The following PPARGC1A variants were observed in gnomAD, a reference collection of about 807,000 sequenced individuals.
PPARGC1A encodes the protein peroxisome proliferator-activated receptor gamma coactivator 1-alpha.
A neutral mutation model predicts 88.7 loss-of-function variants in PPARGC1A; 25 were observed. The observed-to-expected ratio is 0.28, with a 90% confidence interval of 0.21 to 0.39. The LOEUF (loss-of-function observed/expected upper bound fraction) is 0.39, where lower values mean the gene tolerates loss of function less well. Ranked by LOEUF, PPARGC1A falls within the 10% of genes least tolerant of loss-of-function variation. The pLI is 1.00. For missense variants in PPARGC1A, 880 were observed against 968.7 expected, an observed-to-expected ratio of 0.91 and a Z score of 1.22; for synonymous variants, 363 against 355.6, an observed-to-expected ratio of 1.02 and a Z score of -0.24.
the PPARGC1A span, among the ~76,000 whole-genome samples, chr4:23,929,544 G>C: frequency 6.6e-6 from 1 of 152,246 alleles, no homozygotes; most frequent in African/African-American, 2.4e-5. Context: ...AGTGGTTCAA[G>C]TCCCTCTGCA....
the PPARGC1A span, among the ~76,000 whole-genome samples, chr4:23,941,108 T>C: frequency 1.3e-5 from 2 of 152,158 alleles, 1 homozygote; most frequent in Admixed American, 1.3e-4. Context: ...AGGAATACAA[T>C]GGTGCAGTCA....
At chr4:23,964,708 G>C in the PPARGC1A span, among the ~76,000 whole-genome samples, 1 of 152,116 alleles carries the variant, frequency 6.6e-6, no homozygotes, top group African/African-American at 2.4e-5. Flanking sequence ...GAAAAGAGAA[G>C]ACTGAAGAGA....
chr4:23,868,035 G>A (rs1208643790), intron 2 of PPARGC1A, among the ~76,000 whole-genome samples: 4 of 152,120 alleles, frequency 2.6e-5, no homozygotes, highest in African/African-American at 7.2e-5. Context: ...TGGGAACAGC[G>A]GGTTCCTTGA....
intron 10 of PPARGC1A, among the ~76,000 whole-genome samples, chr4:23,806,764 CAA>C (rs924404139): frequency 1.2e-4 from 18 of 152,204 alleles, no homozygotes; most frequent in African/African-American, 4.1e-4. Context: ...AAATCTTTAT[CAA>C]AAAGAGTCTA....
Position 23,889,907 on chromosome 4 carries a change from G to C in PPARGC1A, c.51C>G (p.Ile17Met), listed in dbSNP as rs768910116. Residue 17 changes from isoleucine to methionine, a missense_variant, in exon 1 of 13, where the codon ATC becomes ATG. Ile to Met is a conservative substitution (Grantham distance 10). Coordinates refer to ENST00000264867, the MANE Select transcript of PPARGC1A (RefSeq NM_013261.5). ...GCCGAGCCCTGCCCCAGCTCACCTCGATGTCACTCCATACAGACTCAGAGT... is the reference window on the plus strand; with the variant it reads ...GCCGAGCCCTGCCCCAGCTCACCTCCATGTCACTCCATACAGACTCAGAGT... ...NQDSESVWSD[I>M]ECAALVGEDQ... 1.1e-5 allele frequency: 18 copies of C among 1,613,354 alleles called. No homozygotes were observed. The highest frequency in any genetic ancestry group is 1.5e-5 in the Non-Finnish European group (18 of 1,179,646).
the PPARGC1A span, among the ~76,000 whole-genome samples, chr4:24,112,283 T>C: frequency 2.7e-3 from 418 of 152,264 alleles, 5 homozygotes; most frequent in East Asian, 0.052. Flanking sequence ...GAAGTTAGGG[T>C]TTCTTAGCTT....
the PPARGC1A span, among the ~76,000 whole-genome samples, chr4:24,369,507 T>C: frequency 6.6e-6 from 1 of 151,872 alleles, no homozygotes; most frequent in African/African-American, 2.4e-5. Flanking sequence ...TATAACCCTA[T>C]GAAGTAGTTA....
chr4:23,828,685 G>T, intron 4 of PPARGC1A, 81 bp from the exon 5 acceptor site: 1 of 1,318,510 alleles, frequency 7.6e-7, no homozygotes, highest in Non-Finnish European at 1.1e-6. Context: ...GGAGAGATGG[G>T]ATTTTTCAAT....
the PPARGC1A span, among the ~76,000 whole-genome samples, chr4:24,260,910 G>A: frequency 6.6e-6 from 1 of 152,068 alleles, no homozygotes; most frequent in Non-Finnish European, 1.5e-5. Flanking sequence ...GTAGCTAGAG[G>A]CCACAAAAAT....
chr4:24,286,504 G>A, the PPARGC1A span, among the ~76,000 whole-genome samples: 2 of 152,144 alleles, frequency 1.3e-5, no homozygotes, highest in South Asian at 2.1e-4. Context: ...AGATGCCTAG[G>A]AAGAAACTCT....
chr4:24,204,028 GC>G, the PPARGC1A span, among the ~76,000 whole-genome samples: 1 of 152,178 alleles, frequency 6.6e-6, no homozygotes, highest in African/African-American at 2.4e-5. Context: ...TGGAGCCTCT[GC>G]CTGAAAATGA....
At chr4:24,413,665 G>C in the PPARGC1A span, among the ~76,000 whole-genome samples, 2 of 152,222 alleles carry the variant, frequency 1.3e-5, no homozygotes, top group Non-Finnish European at 2.9e-5. Flanking sequence ...AAGACCGTTT[G>C]AATCTGCAAT....
the PPARGC1A span, among the ~76,000 whole-genome samples, chr4:24,066,295 C>T: frequency 1.3e-5 from 2 of 152,056 alleles, no homozygotes; most frequent in African/African-American, 2.4e-5. Flanking sequence ...GTAAAATAGT[C>T]ATTTGTTTTC....
chr4:24,100,218 TG>T, the PPARGC1A span, among the ~76,000 whole-genome samples: 2 of 152,186 alleles, frequency 1.3e-5, no homozygotes. Context: ...TAAGAAGCAA[TG>T]GGCTACGGAC....
the PPARGC1A span, among the ~76,000 whole-genome samples, chr4:24,456,736 A>T: frequency 6.6e-6 from 1 of 151,898 alleles, no homozygotes; most frequent in Non-Finnish European, 1.5e-5. Context: ...TGGTTAATGA[A>T]CTTGGAAAAA....
the PPARGC1A span, among the ~76,000 whole-genome samples, chr4:23,986,490 CTG>C: frequency 2.6e-5 from 4 of 152,246 alleles, no homozygotes; most frequent in Admixed American, 2.6e-4. Flanking sequence ...AGTCAGCACT[CTG>C]AGACTTCTCA....
At chr4:24,191,974 A>T in the PPARGC1A span, among the ~76,000 whole-genome samples, 1 of 152,236 alleles carries the variant, frequency 6.6e-6, no homozygotes, top group Non-Finnish European at 1.5e-5. Flanking sequence ...GTGTACAACC[A>T]TACCAAGAAA....
chr4:24,308,994 C>T, the PPARGC1A span, among the ~76,000 whole-genome samples: 1 of 151,744 alleles, frequency 6.6e-6, no homozygotes, highest in Non-Finnish European at 1.5e-5. Flanking sequence ...ATTTAGAAAG[C>T]TAAGGAGTTC....
the PPARGC1A span, among the ~76,000 whole-genome samples, chr4:24,224,099 C>T: frequency 3.3e-5 from 5 of 152,126 alleles, no homozygotes; most frequent in East Asian, 1.9e-4. Context: ...GGAAGGGGCA[C>T]GACAGTGTCG....
Sources: gnomAD v4.1 joint callset for allele counts (sites outside exome capture counted in the v4.1 genomes callset) on GRCh38, gnomAD v4.1.1 for gene constraint, MANE v1.5 for transcripts, NCBI Gene and HGNC (gene_info 2026-07-23, HGNC 2026-07-21) for gene names.